The following JARID2 variants were observed in gnomAD, a reference collection of about 807,000 sequenced individuals.
The protein encoded by JARID2 is protein Jumonji.
JARID2 carries 21 observed loss-of-function variants against 125.6 expected under a neutral mutation model. The observed-to-expected ratio is 0.17, with a 90% CI of 0.12 to 0.24. The LOEUF (loss-of-function observed/expected upper bound fraction) is 0.24. JARID2 is among the 10% of genes least tolerant of loss of function. The pLI is 1.00. For synonymous variants in JARID2, 736 were observed against 661.6 expected (o/e 1.11, Z -1.73); for missense variants, 1,303 against 1,639.6 (o/e 0.79, Z 3.55).
At chr6:15,252,017 G>T (rs1759475953) in intron 1 of JARID2, among the ~76,000 whole-genome samples, 1 of 152,146 alleles carries the variant, frequency 6.6e-6, no homozygotes, top group Non-Finnish European at 1.5e-5. Flanking sequence ...CTGCGTTCCA[G>T]CCTGGGCAAA....
intron 1 of JARID2, among the ~76,000 whole-genome samples, chr6:15,279,373 A>G (rs956890541): frequency 6.6e-6 from 1 of 152,068 alleles, no homozygotes; most frequent in African/African-American, 2.4e-5. Context: ...CACTAGTTTG[A>G]TTTTGTTGGC....
chr6:15,457,009 A>G, intron 4 of JARID2, among the ~76,000 whole-genome samples: 1 of 151,684 alleles, frequency 6.6e-6, no homozygotes, highest in East Asian at 1.9e-4. Context: ...CCCAGAGACG[A>G]CCGCTGTTAA....
chr6:15,406,660 C>T (rs1253275460), intron 2 of JARID2, among the ~76,000 whole-genome samples: 1 of 152,274 alleles, frequency 6.6e-6, no homozygotes, highest in South Asian at 2.1e-4. Flanking sequence ...TCAGTCATGC[C>T]TTATCAGAGT....
At chr6:15,416,336 C>T (rs945013021) in intron 3 of JARID2, among the ~76,000 whole-genome samples, 4 of 152,266 alleles carry the variant, frequency 2.6e-5, no homozygotes, top group African/African-American at 9.6e-5. Flanking sequence ...CCAAGGCAGG[C>T]GGCTGGGAGG....
At chr6:15,267,447 G>A (rs529339120) in intron 1 of JARID2, among the ~76,000 whole-genome samples, 3 of 152,244 alleles carry the variant, frequency 2.0e-5, no homozygotes, top group South Asian at 4.1e-4. Flanking sequence ...GGAGGGAACC[G>A]ATACCTTCTG....
At chr6:15,362,290 C>T (rs921857123) in intron 1 of JARID2, among the ~76,000 whole-genome samples, 4 of 152,166 alleles carry the variant, frequency 2.6e-5, no homozygotes, top group African/African-American at 9.7e-5. Flanking sequence ...CAATACAGAA[C>T]GAACAGCCAG....
chr6:15,314,030 C>T (rs1401230079), intron 1 of JARID2, among the ~76,000 whole-genome samples: 3 of 152,126 alleles, frequency 2.0e-5, no homozygotes, highest in African/African-American at 7.2e-5. Context: ...ACCCAAGGCC[C>T]AAGGTGTCCT....
chr6:15,501,340 A>C lies in JARID2; in HGVS notation c.2379A>C (p.Glu793Asp). The C allele has an allele frequency of 6.2e-7, 1 of 1,603,222 alleles. No homozygotes were observed. Among genetic ancestry groups the C allele is most frequent in the South Asian group, 1.1e-5 (1 of 90,200 alleles). The part of the protein sequence containing the change: ...KTGRRRLFAQ[E>D]KEVVKEEEED... The stretch of plus-strand genomic sequence containing the variant: ...GCCGGCGGCGACTCTTCGCTCAGGA[A>C]AAAGAAGTGGTCAAGGAAGAGGAGG... The change falls in exon 8 of 18, where the codon GAA becomes GAC. Residue 793 changes from glutamate to aspartate, a missense_variant. Glu to Asp is a conservative substitution (Grantham distance 45). Transcript: ENST00000341776.
intron 2 of JARID2, among the ~76,000 whole-genome samples, chr6:15,399,070 T>G (rs1283419872): frequency 6.6e-6 from 1 of 152,206 alleles, no homozygotes; most frequent in Non-Finnish European, 1.5e-5. Context: ...TGTCCTTTAA[T>G]TGACTCTGTA....
Position 15,336,105 on chromosome 6 carries a change from ATG to A in JARID2, c.46-38011_46-38010del, listed in dbSNP as rs1581426628. On this transcript the variant is annotated intron_variant, in intron 1 of 17. Coordinates refer to ENST00000341776, the MANE Select transcript of JARID2 (RefSeq NM_004973.4). ...CAAGGGTGAATGAATGAATGAATGA[ATG>A]AATGAATGAATAAATAAATAAATAA... 2.6e-5 allele frequency among the ~76,000 whole-genome samples: 4 copies of A among 152,040 alleles called. No individual in the cohort carries two copies. The East Asian group carries it at 7.7e-4, about 29-fold the overall frequency.
At chr6:15,297,678 A>T (rs1022027514) in intron 1 of JARID2, among the ~76,000 whole-genome samples, 1 of 152,010 alleles carries the variant, frequency 6.6e-6, no homozygotes, top group Non-Finnish European at 1.5e-5. Flanking sequence ...GCCCCTACTC[A>T]GTGGGGTTGG....
chr6:15,478,320 C>T (rs1769447649), intron 5 of JARID2, among the ~76,000 whole-genome samples: 1 of 152,092 alleles, frequency 6.6e-6, no homozygotes, highest in East Asian at 1.9e-4. Flanking sequence ...ATTACTAATA[C>T]CTGACTCGCA....
intron 5 of JARID2, among the ~76,000 whole-genome samples, chr6:15,473,905 G>A (rs955616365): frequency 1.3e-5 from 2 of 152,184 alleles, no homozygotes; most frequent in African/African-American, 4.8e-5. Context: ...ATGCTCCTCC[G>A]ATTTCAAATG....
intron 2 of JARID2, among the ~76,000 whole-genome samples, chr6:15,389,891 T>C (rs1174937626): frequency 6.6e-6 from 1 of 152,240 alleles, no homozygotes; most frequent in Non-Finnish European, 1.5e-5. Flanking sequence ...TCAGTTCATC[T>C]TCCTGCTACC....
intron 6 of JARID2, 92 bp downstream of exon 6, chr6:15,487,634 G>A (rs1581633139): frequency 3.5e-6 from 4 of 1,140,330 alleles, no homozygotes; most frequent in Middle Eastern, 2.4e-4. Flanking sequence ...GAGGGCTCAA[G>A]AAGCAGGAGG....
intron 1 of JARID2, among the ~76,000 whole-genome samples, chr6:15,285,554 GA>G (rs1220792351): frequency 6.6e-6 from 1 of 151,540 alleles, no homozygotes; most frequent in Non-Finnish European, 1.5e-5. Flanking sequence ...GACAAATAAG[GA>G]AAAAAATACA....
intron 4 of JARID2, among the ~76,000 whole-genome samples, chr6:15,463,658 C>G (rs1768571032): frequency 6.6e-6 from 1 of 152,154 alleles, no homozygotes; most frequent in African/African-American, 2.4e-5. Context: ...TCTCGAACTC[C>G]TGACCTCAGG....
intron 1 of JARID2, among the ~76,000 whole-genome samples, chr6:15,324,041 G>T (rs1019343284): frequency 6.6e-6 from 1 of 151,986 alleles, no homozygotes; most frequent in Non-Finnish European, 1.5e-5. Flanking sequence ...AATTAGCCGG[G>T]CGTGGTGGCG....
intron 2 of JARID2, among the ~76,000 whole-genome samples, chr6:15,409,131 TACATAGAACACTGTG>T (rs1476361908): frequency 6.6e-6 from 1 of 152,208 alleles, no homozygotes; most frequent in African/African-American, 2.4e-5. Flanking sequence ...TTTAATCAAA[TACATAGAACACTGTG>T]TTCTACATAG....
Sources: gnomAD v4.1 joint callset for allele counts (sites outside exome capture counted in the v4.1 genomes callset) on GRCh38, gnomAD v4.1.1 for gene constraint, MANE v1.5 for transcripts, NCBI Gene and HGNC (gene_info 2026-07-23, HGNC 2026-07-21) for gene names.